The following CSMD3 variants were observed in gnomAD, a reference collection of about 807,000 sequenced individuals.
CSMD3 encodes CUB and sushi domain-containing protein 3.
In CSMD3, 177 loss-of-function variants were observed where a neutral mutation model predicts 435.2. The observed-to-expected ratio is 0.41, with a 90% CI of 0.36 to 0.46. The LOEUF is 0.46. Among genes scored for constraint, CSMD3 ranks in the 20% least tolerant of loss-of-function variants. CSMD3 has a pLI of 0.34. For synonymous variants in CSMD3, 1,656 were observed against 1,520.5 expected (o/e 1.09, Z -2.07); for missense variants, 4,265 against 4,504.6 (o/e 0.95, Z 1.52).
intron 69 of CSMD3, among the ~76,000 whole-genome samples, chr8:112,230,165 C>G (rs983572081): frequency 1.3e-5 from 2 of 152,090 alleles, no homozygotes; most frequent in Non-Finnish European, 2.9e-5. Flanking sequence ...GGAAATAGTT[C>G]CTTTTTTGTG....
chr8:112,855,595 A>G (rs2080629418), intron 11 of CSMD3, among the ~76,000 whole-genome samples: 1 of 152,106 alleles, frequency 6.6e-6, no homozygotes, highest in African/African-American at 2.4e-5. Flanking sequence ...ATGAAAAAAT[A>G]GATGGATGGA....
At chr8:113,305,391 T>C (rs1330009884) in intron 2 of CSMD3, among the ~76,000 whole-genome samples, 2 of 152,226 alleles carry the variant, frequency 1.3e-5, no homozygotes, top group Non-Finnish European at 2.9e-5. Flanking sequence ...ATATTTTTAG[T>C]CAATTACAAC....
At chr8:113,310,702 T>G (rs979415332) in intron 2 of CSMD3, 1 of 151,972 alleles carries the variant, frequency 6.6e-6, no homozygotes, top group East Asian at 1.9e-4. Flanking sequence ...TATTCATTGA[T>G]ATAAGATTCT....
intron 1 of CSMD3, among the ~76,000 whole-genome samples, chr8:113,414,033 C>A (rs1318690126): frequency 6.6e-6 from 1 of 152,146 alleles, no homozygotes; most frequent in Non-Finnish European, 1.5e-5. Flanking sequence ...ACAAAAGCCA[C>A]ATGAACATAT....
chr8:113,206,374 A>G (rs2092771119), intron 3 of CSMD3, among the ~76,000 whole-genome samples: 1 of 152,164 alleles, frequency 6.6e-6, no homozygotes, highest in Non-Finnish European at 1.5e-5. Context: ...TTTGCAATCA[A>G]TGATGAAGTA....
intron 1 of CSMD3, among the ~76,000 whole-genome samples, chr8:113,362,474 A>G (rs925378234): frequency 1.3e-5 from 2 of 152,134 alleles, no homozygotes; most frequent in African/African-American, 4.8e-5. Context: ...AAGTGAGACC[A>G]TTTCTCCTTA....
At chr8:113,030,125 T>C (rs902079630) in intron 5 of CSMD3, among the ~76,000 whole-genome samples, 2 of 151,372 alleles carry the variant, frequency 1.3e-5, no homozygotes, top group South Asian at 2.1e-4. Context: ...AAAGAAATCT[T>C]AGACAACACA....
At chr8:112,249,561 T>G (rs1815077494) in intron 63 of CSMD3, among the ~76,000 whole-genome samples, 1 of 152,142 alleles carries the variant, frequency 6.6e-6, no homozygotes, top group South Asian at 2.1e-4. Context: ...ATATTTATTT[T>G]CTGCCTTAAA....
intron 27 of CSMD3, among the ~76,000 whole-genome samples, chr8:112,544,721 G>A (rs1361764626): frequency 1.3e-5 from 2 of 152,162 alleles, no homozygotes; most frequent in Non-Finnish European, 2.9e-5. Flanking sequence ...ACAAGGATTG[G>A]TTTTTGTAGA....
intron 1 of CSMD3, among the ~76,000 whole-genome samples, chr8:113,326,341 T>G (rs1163138981): frequency 8.2e-6 from 1 of 121,936 alleles, no homozygotes; most frequent in African/African-American, 2.7e-5. Context: ...TTAATTATAT[T>G]AAGATCCCAT....
intron 5 of CSMD3, among the ~76,000 whole-genome samples, chr8:113,064,077 A>G (rs890421341): frequency 6.6e-6 from 1 of 150,990 alleles, no homozygotes; most frequent in Admixed American, 6.6e-5. Flanking sequence ...ACTATTTATT[A>G]TAGTTACAAT....
intron 28 of CSMD3, among the ~76,000 whole-genome samples, chr8:112,507,544 T>C (rs2130936566): frequency 6.6e-6 from 1 of 152,306 alleles, no homozygotes; most frequent in Middle Eastern, 3.4e-3. Context: ...ACATTAAGAT[T>C]AGGATTCTCA....
chr8:112,774,392 G>A (rs1442119606), intron 13 of CSMD3, among the ~76,000 whole-genome samples: 1 of 151,954 alleles, frequency 6.6e-6, no homozygotes. Context: ...AAATCTTCCT[G>A]TGAGAATTTT....
intron 32 of CSMD3, among the ~76,000 whole-genome samples, chr8:112,423,798 T>C (rs569353561): frequency 6.6e-6 from 1 of 152,328 alleles, no homozygotes; most frequent in South Asian, 2.1e-4. Context: ...TATTACTAGC[T>C]GACAAGCAAT....
intron 10 of CSMD3, among the ~76,000 whole-genome samples, chr8:112,917,726 A>G (rs1299833817): frequency 6.6e-6 from 1 of 151,962 alleles, no homozygotes; most frequent in East Asian, 1.9e-4. Flanking sequence ...TTGGAATTGT[A>G]GAATAGTGAC....
chr8:113,130,385 A>G (rs1303274068), intron 4 of CSMD3, among the ~76,000 whole-genome samples: 1 of 152,018 alleles, frequency 6.6e-6, no homozygotes, highest in African/African-American at 2.4e-5. Flanking sequence ...TCATGACGGT[A>G]AGTGAGTCAT....
At chr8:113,213,767 A>G in intron 3 of CSMD3, among the ~76,000 whole-genome samples, 1 of 152,114 alleles carries the variant, frequency 6.6e-6, no homozygotes, top group East Asian at 1.9e-4. Flanking sequence ...AGTTCTCTAT[A>G]CTTACTTGGC....
At chr8:112,498,518 G>A (rs1348150584) in intron 30 of CSMD3, among the ~76,000 whole-genome samples, 2 of 152,068 alleles carry the variant, frequency 1.3e-5, no homozygotes, top group African/African-American at 2.4e-5. Flanking sequence ...GTGTTACCTA[G>A]AGAAAGCATT....
chr8:112,951,669 T>C (rs1356220802), intron 8 of CSMD3, among the ~76,000 whole-genome samples: 2 of 151,764 alleles, frequency 1.3e-5, no homozygotes, highest in African/African-American at 4.8e-5. Context: ...TCCTTAAGGG[T>C]TGAAAATATA....
Sources: allele counts gnomAD v4.1 joint callset (sites outside exome capture counted in the v4.1 genomes callset), GRCh38; gene constraint gnomAD v4.1.1; transcripts MANE v1.5; gene names NCBI Gene and HGNC (gene_info 2026-07-23, HGNC 2026-07-21).